Variants in TSC22D3 observed in about 807,000 individuals in gnomAD.
TSC22D3 encodes the protein TSC22 domain family protein 3.
Under a neutral mutation model 11.1 loss-of-function variants are expected in TSC22D3, and 4 were observed. That is an observed-to-expected ratio of 0.36 (90% confidence interval 0.18 to 0.83). TSC22D3 has a LOEUF of 0.83. Among genes scored for constraint, TSC22D3 ranks in the 40% least tolerant of loss-of-function variants. The pLI is 0.48. For missense variants in TSC22D3, 118 were observed against 159.4 expected (o/e 0.74, Z 1.40); for synonymous variants, 77 against 70.3 (o/e 1.10, Z -0.48).
At chrX:107,741,399 T>C (rs753468090) in intron 1 of TSC22D3, among the ~76,000 whole-genome samples, 101 of 112,091 alleles carry the variant, frequency 9.0e-4, no homozygotes, top group African/African-American at 3.2e-3. Context: ...CTCAGAGCTC[T>C]CCCCCACTCC....
At chrX:107,717,242 CAA>C in intron 1 of TSC22D3, 1 of 216,550 alleles carries the variant, frequency 4.6e-6, no homozygotes, top group Non-Finnish European at 6.8e-6. Context: ...CTGGCATCTC[CAA>C]AGAAGGCTCT....
intron 1 of TSC22D3, among the ~76,000 whole-genome samples, chrX:107,758,277 T>C (rs374042683): frequency 9.0e-6 from 1 of 110,591 alleles, no homozygotes; most frequent in Non-Finnish European, 1.9e-5. Flanking sequence ...GCGGAGCACA[T>C]TGTAGATGAT....
chrX:107,727,317 A>T (rs1431061050), intron 1 of TSC22D3, among the ~76,000 whole-genome samples: 1 of 111,907 alleles, frequency 8.9e-6, no homozygotes, highest in Non-Finnish European at 1.9e-5. Context: ...GTGGGAAGAA[A>T]ATATGTCAGA....
At chrX:107,757,518 C>G (rs1038725441) in intron 1 of TSC22D3, among the ~76,000 whole-genome samples, 3 of 112,388 alleles carry the variant, frequency 2.7e-5, no homozygotes, top group African/African-American at 9.7e-5. Context: ...GAACAAAACA[C>G]TACAAACTTT....
intron 1 of TSC22D3, among the ~76,000 whole-genome samples, chrX:107,725,048 C>T (rs1927551645): frequency 9.0e-6 from 1 of 111,467 alleles, no homozygotes; most frequent in Non-Finnish European, 1.9e-5. Flanking sequence ...AGCTGTTTTC[C>T]AGACCACTAC....
At chrX:107,762,637 T>C (rs768435032) in intron 1 of TSC22D3, among the ~76,000 whole-genome samples, 1 of 110,016 alleles carries the variant, frequency 9.1e-6, no homozygotes, top group South Asian at 3.9e-4. Flanking sequence ...ATAAACTACA[T>C]ACAACATCCC....
intron 1 of TSC22D3, among the ~76,000 whole-genome samples, chrX:107,742,020 A>C (rs1227948813): frequency 9.0e-6 from 1 of 110,924 alleles, no homozygotes; most frequent in Non-Finnish European, 1.9e-5. Flanking sequence ...TGCCTGTGGG[A>C]GGACTTCAGC....
intron 1 of TSC22D3, among the ~76,000 whole-genome samples, chrX:107,721,410 A>T (rs1266112388): frequency 9.0e-6 from 1 of 111,591 alleles, no homozygotes; most frequent in African/African-American, 3.3e-5. Flanking sequence ...GGGCAGCATA[A>T]CCCCGGGCAG....
chrX:107,742,318 A>AGT (rs1203027384), intron 1 of TSC22D3, among the ~76,000 whole-genome samples: 12 of 38,175 alleles, frequency 3.1e-4, no homozygotes, highest in South Asian at 1.7e-3. Flanking sequence ...AGAGAGAGAG[A>AGT]GTGTGTGTGC....
chrX:107,733,584 T>C (rs1325207360), intron 1 of TSC22D3, among the ~76,000 whole-genome samples: 1 of 108,651 alleles, frequency 9.2e-6, no homozygotes, highest in African/African-American at 3.3e-5. Flanking sequence ...TCCTGTCCCC[T>C]CAAGCCTTCC....
chrX:107,739,944 A>T (rs1928318445), intron 1 of TSC22D3, among the ~76,000 whole-genome samples: 2 of 112,713 alleles, frequency 1.8e-5, no homozygotes, highest in South Asian at 7.3e-4. Flanking sequence ...ACACTGGGCA[A>T]TGGGAATGAA....
In TSC22D3 at chrX:107,714,526, G is replaced by A. The variant is rs765615016; in HGVS notation, c.596C>T (p.Ala199Val). 9.1e-6 allele frequency: 11 copies of A among 1,210,294 alleles called. No individual in the cohort carries two copies. Among genetic ancestry groups the A allele is most frequent in the Non-Finnish European group, 1.0e-5 (9 of 894,456 alleles). ...PQVPEAPGGS[A>V]V Reference sequence around the variant, plus strand: ...CCCTGAGGACAGAGCCACTTACACCGCAGAACCACCAGGGGCCTCGGGCAC... The same window carrying A: ...CCCTGAGGACAGAGCCACTTACACCACAGAACCACCAGGGGCCTCGGGCAC... The change falls in exon 3 of 3, where the codon GCG becomes GTG. Residue 199 changes from alanine to valine, a missense_variant. Ala to Val is a moderately conservative substitution (Grantham distance 64). Transcript: ENST00000372383.
At chrX:107,723,190 C>A (rs1927439009) in intron 1 of TSC22D3, among the ~76,000 whole-genome samples, 1 of 111,384 alleles carries the variant, frequency 9.0e-6, no homozygotes, top group Non-Finnish European at 1.9e-5. Context: ...TAGGATAATG[C>A]AGCAGCACGA....
chrX:107,763,649 T>C (rs1929540529), intron 1 of TSC22D3, among the ~76,000 whole-genome samples: 1 of 111,606 alleles, frequency 9.0e-6, no homozygotes, highest in Admixed American at 9.5e-5. Flanking sequence ...GAAGCATTCA[T>C]AACTCAGAAG....
chrX:107,772,853 G>GA (rs1453107438), intron 1 of TSC22D3, among the ~76,000 whole-genome samples: 2 of 110,669 alleles, frequency 1.8e-5, no homozygotes, highest in African/African-American at 6.6e-5. Context: ...CCTGTCTCAG[G>GA]AAAAAAATAA....
At chrX:107,738,560 AC>A (rs1425474872) in intron 1 of TSC22D3, among the ~76,000 whole-genome samples, 1 of 112,900 alleles carries the variant, frequency 8.9e-6, no homozygotes, top group Non-Finnish European at 1.9e-5. Context: ...TCCTGGAGGC[AC>A]ATGCCCCACA....
At chrX:107,745,020 G>A (rs1013255061) in intron 1 of TSC22D3, among the ~76,000 whole-genome samples, 2 of 112,208 alleles carry the variant, frequency 1.8e-5, no homozygotes, top group African/African-American at 6.5e-5. Flanking sequence ...CATCTGCAAA[G>A]TGCATCCAGT....
chrX:107,760,252 C>T (rs904886239), intron 1 of TSC22D3, among the ~76,000 whole-genome samples: 2 of 112,779 alleles, frequency 1.8e-5, no homozygotes, highest in Non-Finnish European at 3.8e-5. Context: ...AGCTTCATAA[C>T]ACCCAAATCA....
chrX:107,730,001 G>T (rs1006298201), intron 1 of TSC22D3, among the ~76,000 whole-genome samples: 1 of 112,581 alleles, frequency 8.9e-6, no homozygotes, highest in Non-Finnish European at 1.9e-5. Context: ...GTTAGGACTT[G>T]ACCTACCTCT....
Sources: allele counts gnomAD v4.1 joint callset (sites outside exome capture counted in the v4.1 genomes callset), GRCh38; gene constraint gnomAD v4.1.1; transcripts MANE v1.5; gene names NCBI Gene and HGNC (gene_info 2026-07-23, HGNC 2026-07-21).